Variants in CREBBP observed in about 807,000 individuals in gnomAD.
CREBBP encodes the protein CREB binding lysine acetyltransferase, also known as CREB-binding protein.
A neutral mutation model predicts 265.0 loss-of-function variants in CREBBP; 19 were observed. The observed-to-expected ratio is 0.07, with a 90% CI of 0.05 to 0.11. The LOEUF is 0.11. CREBBP is among the 10% of genes least tolerant of loss of function. The pLI is 1.00. For missense variants in CREBBP, 2,525 were observed against 3,219.0 expected (o/e 0.78, Z 5.22); for synonymous variants, 1,457 against 1,223.7 (o/e 1.19, Z -3.98).
intron 1 of CREBBP, among the ~76,000 whole-genome samples, chr16:3,863,814 C>G (rs2055124312): frequency 6.6e-6 from 1 of 152,104 alleles, no homozygotes; most frequent in Non-Finnish European, 1.5e-5. Flanking sequence ...AGGGTGGGGA[C>G]AAGGGTGGAA....
At position 3,800,470 on chromosome 16, in the gene CREBBP, C is replaced by T. The variant is rs561169495; in HGVS notation, c.976-6844G>A. On this transcript the variant is annotated intron_variant, in intron 3 of 30. Transcript: ENST00000262367. The stretch of plus-strand genomic sequence containing the variant: ...ATCCTCTCATTTTTCCCCTAAGAGA[C>T]GAGCCTGCTTTGTTTTTTTAATTTA... Among the ~76,000 whole-genome samples, 34 of 151,996 alleles carry T rather than the reference C, an allele frequency of 2.2e-4. No individual in the cohort carries two copies. In the East Asian group the frequency reaches 6.6e-3, roughly 29 times the overall value.
At chr16:3,818,303 C>CTTTTTT (rs71133660) in intron 2 of CREBBP, among the ~76,000 whole-genome samples, 530 of 106,232 alleles carry the variant, frequency 5.0e-3, no homozygotes, top group Non-Finnish European at 8.2e-3. Context: ...GTTTTCTTTT[C>CTTTTTT]TTTTTTTTTT....
Position 3,833,188 on chromosome 16 carries a change from G to A in CREBBP, c.798+17109C>T, listed in dbSNP as rs750758663. 9.8e-5 allele frequency among the ~76,000 whole-genome samples: 15 copies of A among 152,334 alleles called. 1 individual carries two copies. Among genetic ancestry groups the A allele is most frequent in the East Asian group, 3.9e-4 (2 of 5,184 alleles). On this transcript the variant is annotated intron_variant, in intron 2 of 30. Coordinates refer to ENST00000262367, the MANE Select transcript of CREBBP (RefSeq NM_004380.3). ...AGCACTTTGGGAGGCTGAGATGGGC[G>A]GACCACCTGAGGTGAGGAGTTCGAG...
In CREBBP at chr16:3,731,949, C is replaced by G. The variant is rs369756308; in HGVS notation, c.4729-12G>C. 1.2e-6 allele frequency: 2 copies of G among 1,614,202 alleles called. No homozygotes were observed. The highest frequency in any genetic ancestry group is 2.7e-5 in the African/African-American group (2 of 75,048). ...TCGCCCTGACTGCCCTGCAACAACA[C>G]GCAAGGCTGTGAGACCAGGCAAGTG... is the stretch of plus-strand genomic sequence containing the variant. On this transcript the variant is annotated splice_polypyrimidine_tract_variant and intron_variant, in intron 28 of 30. Coordinates refer to ENST00000262367, the MANE Select transcript of CREBBP (RefSeq NM_004380.3). The surrounding 1 kb of genome is among the most constrained non-coding windows in gnomAD (Gnocchi z 7.7).
At position 3,830,308 on chromosome 16, in the gene CREBBP, G is replaced by A. The variant is rs1014920619; in HGVS notation, c.799-19529C>T. 3.3e-5 allele frequency among the ~76,000 whole-genome samples: 5 copies of A among 152,220 alleles called. No homozygotes were observed. The East Asian group carries it at 7.7e-4, about 23-fold the overall frequency. On this transcript the variant is annotated intron_variant, in intron 2 of 30. Transcript: ENST00000262367. Reference sequence around the variant, plus strand: ...AGCTACTCAGGAGGCTGAGGTGGGAGGATCACCTCACCCGGGGTGGGGGGC... The same window carrying A: ...AGCTACTCAGGAGGCTGAGGTGGGAAGATCACCTCACCCGGGGTGGGGGGC...
intron 16 of CREBBP, chr16:3,767,339 GCTT>G: frequency 4.1e-6 from 1 of 243,040 alleles, no homozygotes; most frequent in Non-Finnish European, 8.1e-6. Context: ...TTAAATTATG[GCTT>G]TTTTGGTTAT....
At position 3,867,341 on chromosome 16, in the gene CREBBP, A is replaced by T. The variant is rs1436039459; in HGVS notation, c.85+12491T>A. 3.3e-5 allele frequency among the ~76,000 whole-genome samples: 5 copies of T among 152,120 alleles called. No individual in the cohort carries two copies. The East Asian group carries it at 9.7e-4, about 29-fold the overall frequency. The stretch of plus-strand genomic sequence containing the variant: ...CCCTGTCTCTACAAAAATAATAAAA[A>T]ATTATCTGGGCATGGTGGTGCGTGC... On this transcript the variant is annotated intron_variant, in intron 1 of 30. Transcript: ENST00000262367.
chr16:3,839,709 G>T (rs912738828), intron 2 of CREBBP, among the ~76,000 whole-genome samples: 2 of 124,008 alleles, frequency 1.6e-5, no homozygotes, highest in Non-Finnish European at 3.4e-5. Flanking sequence ...GGAAGGAAGG[G>T]AAGGGGAGGG....
chr16:3,761,368 G>C (rs949430458), intron 16 of CREBBP, among the ~76,000 whole-genome samples: 1 of 152,214 alleles, frequency 6.6e-6, no homozygotes, highest in Admixed American at 6.5e-5. Context: ...CAGGTACATG[G>C]ACCTGCCATC....
intron 16 of CREBBP, among the ~76,000 whole-genome samples, chr16:3,767,059 C>G (rs1017665482): frequency 3.9e-5 from 6 of 152,172 alleles, no homozygotes; most frequent in Non-Finnish European, 7.3e-5. Context: ...TCTCCCATTT[C>G]TAAGGTTCAC....
At chr16:3,862,129 C>T (rs566436058) in intron 1 of CREBBP, among the ~76,000 whole-genome samples, 3 of 152,278 alleles carry the variant, frequency 2.0e-5, no homozygotes, top group African/African-American at 7.2e-5. Flanking sequence ...GGACACCAAG[C>T]CACAAACTTA....
intron 1 of CREBBP, among the ~76,000 whole-genome samples, chr16:3,866,894 G>C (rs2141567540): frequency 6.6e-6 from 1 of 152,234 alleles, no homozygotes; most frequent in Non-Finnish European, 1.5e-5. Context: ...AACTGGATCT[G>C]CAATGCCAGG....
In CREBBP at chr16:3,770,779, G is replaced by A. The variant is rs2141201904; in HGVS notation, c.2671C>T (p.Pro891Ser). 6.2e-7 allele frequency: 1 copy of A among 1,614,116 alleles called. No homozygotes were observed. Among genetic ancestry groups the A allele is most frequent in the Non-Finnish European group, 8.5e-7 (1 of 1,180,016 alleles). The change falls in exon 14 of 31, where the codon CCT becomes TCT. Residue 891 changes from proline to serine, a missense_variant. Physicochemically the swap from Pro to Ser is moderately conservative, Grantham distance 74. Coordinates refer to ENST00000262367, the MANE Select transcript of CREBBP (RefSeq NM_004380.3). Reference protein sequence around the residue: ...QPAAPTQPSTPVSSSGQTPTP... With the variant: ...QPAAPTQPSTSVSSSGQTPTP... ...GGAGTCTGCCCGGAAGACGACACAGGAGTTGATGGCTGAGTGGGAGCTGCT... is the reference window on the plus strand; with the variant it reads ...GGAGTCTGCCCGGAAGACGACACAGAAGTTGATGGCTGAGTGGGAGCTGCT...
At chr16:3,866,826 C>A (rs1414029268) in intron 1 of CREBBP, among the ~76,000 whole-genome samples, 1 of 152,150 alleles carries the variant, frequency 6.6e-6, no homozygotes, top group Admixed American at 6.6e-5. Flanking sequence ...TGCTCTCCAT[C>A]CTTTGTTTAT....
At chr16:3,760,928 G>C (rs1369454300) in intron 16 of CREBBP, among the ~76,000 whole-genome samples, 1 of 151,836 alleles carries the variant, frequency 6.6e-6, no homozygotes, top group Non-Finnish European at 1.5e-5. Context: ...GTGAGCCACT[G>C]GGCCTGGTCT....
At position 3,729,713 on chromosome 16, in the gene CREBBP, C is replaced by T. The variant is rs201062642; in HGVS notation, c.5334G>A (p.Ser1778=). The T allele has an allele frequency of 2.0e-5, 33 of 1,611,330 alleles. No individual in the cohort carries two copies. In the African/African-American group the frequency reaches 2.8e-4, roughly 14 times the overall value. ...TGCGGCACTGGCACGCGTGCACCAG[C>T]GACTGGATGCAGCGCTGGATGCTCA... ...RRLSIQRCIQ[S]LVHACQCRNA... is the part of the protein sequence containing the mutation. Residue 1778 remains serine (S), a synonymous_variant, in exon 31 of 31, where the codon TCG becomes TCA. Coordinates refer to ENST00000262367, the MANE Select transcript of CREBBP (RefSeq NM_004380.3).
intron 3 of CREBBP, among the ~76,000 whole-genome samples, chr16:3,802,979 G>A (rs973698758): frequency 3.7e-4 from 56 of 152,124 alleles, no homozygotes; most frequent in Admixed American, 7.2e-4. Context: ...TACAACAGCT[G>A]GGTATGCAAA....
chr16:3,731,098 G>T lies in CREBBP; in HGVS notation c.5172+94C>A. 2 of 1,340,444 alleles carry T rather than the reference G, an allele frequency of 1.5e-6. No homozygotes were observed. The highest frequency in any genetic ancestry group is 2.1e-6 in the Non-Finnish European group (2 of 957,528). The allele number at this position is 1,340,444 out of a possible 1,614,324, so 83.0% of individuals were successfully genotyped here. ...GAGGAGTCAGTGCAGCCACCATCAG[G>T]TACAGACACCAACCCGGGCACCCAT... On this transcript the variant is annotated intron_variant, in intron 30 of 30. Transcript: ENST00000262367. The surrounding 1 kb of genome is among the most constrained non-coding windows in gnomAD (Gnocchi z 7.7).
intron 28 of CREBBP, 33 bp downstream of exon 28, chr16:3,736,003 C>G: frequency 1.2e-6 from 2 of 1,614,126 alleles, no homozygotes; most frequent in Non-Finnish European, 1.7e-6. Flanking sequence ...CAGCGGGACA[C>G]GTGGGCAATG....
Sources: allele counts gnomAD v4.1 joint callset (sites outside exome capture counted in the v4.1 genomes callset), GRCh38; gene constraint gnomAD v4.1.1; non-coding constraint Gnocchi (gnomAD v3.1); transcripts MANE v1.5; gene names NCBI Gene and HGNC (gene_info 2026-07-23, HGNC 2026-07-21).